GSR: variants seen among roughly 807,000 people sequenced by gnomAD.
The protein encoded by GSR is glutathione reductase, mitochondrial.
A neutral mutation model predicts 56.5 loss-of-function variants in GSR; 48 were observed. The ratio of observed to expected loss-of-function variants is 0.85; its 90% confidence interval spans 0.67 to 1.08. The LOEUF (loss-of-function observed/expected upper bound fraction) is 1.08, where lower values mean the gene tolerates loss of function less well. Ranked by LOEUF, GSR falls within the 50% of genes least tolerant of loss-of-function variation. GSR has a pLI of 0.00. For synonymous variants in GSR, 264 were observed against 270.8 expected (o/e 0.97, Z 0.25); for missense variants, 694 against 703.3 (o/e 0.99, Z 0.15).
At chr8:30,682,565 T>G (rs1802996623) in intron 10 of GSR, among the ~76,000 whole-genome samples, 1 of 152,192 alleles carries the variant, frequency 6.6e-6, no homozygotes, top group Non-Finnish European at 1.5e-5. Flanking sequence ...AATCTGAAAC[T>G]GAAAACACTT....
intron 9 of GSR, among the ~76,000 whole-genome samples, chr8:30,685,597 G>A (rs919475474): frequency 6.6e-6 from 1 of 152,082 alleles, no homozygotes; most frequent in Non-Finnish European, 1.5e-5. Context: ...GACATGTTAT[G>A]CTTATCATGT....
intron 7 of GSR, among the ~76,000 whole-genome samples, chr8:30,695,155 AG>A (rs1411223239): frequency 6.6e-6 from 1 of 152,150 alleles, no homozygotes; most frequent in Non-Finnish European, 1.5e-5. Context: ...TGTGCGGACC[AG>A]GATGACTTTG....
chr8:30,719,287 T>TAA (rs1563545354), intron 1 of GSR, among the ~76,000 whole-genome samples: 28 of 150,772 alleles, frequency 1.9e-4, no homozygotes, highest in East Asian at 7.9e-4. Context: ...TTTTTTTTTT[T>TAA]ATGTATTTTT....
chr8:30,718,171 T>C (rs1367296363), intron 1 of GSR, among the ~76,000 whole-genome samples: 1 of 152,082 alleles, frequency 6.6e-6, no homozygotes, highest in East Asian at 1.9e-4. Flanking sequence ...TGAATCATCC[T>C]GAAACCATAC....
intron 9 of GSR, among the ~76,000 whole-genome samples, chr8:30,688,877 C>G (rs2551716): frequency 2.0e-5 from 3 of 151,832 alleles, no homozygotes; most frequent in Non-Finnish European, 4.4e-5. Context: ...GAGCTATGAT[C>G]ACACCACTGA....
chr8:30,710,736 A>G (rs1214831252), intron 2 of GSR, among the ~76,000 whole-genome samples: 24 of 135,420 alleles, frequency 1.8e-4, no homozygotes, highest in African/African-American at 6.6e-4. Flanking sequence ...AAAAAAAAAA[A>G]AAAAAAAAAG....
At chr8:30,706,858 CAG>C (rs796623387) in intron 4 of GSR, 38 of 152,260 alleles carry the variant, frequency 2.5e-4, no homozygotes, top group African/African-American at 8.7e-4. Flanking sequence ...TAGGTTTGGC[CAG>C]GTGCGGTAGC....
chr8:30,703,312 C>A (rs1803811831), intron 4 of GSR, 72 bp from the exon 5 acceptor site: 10 of 1,313,668 alleles, frequency 7.6e-6, no homozygotes, highest in Non-Finnish European at 1.1e-5. Context: ...CTTATCAGAA[C>A]TTTCATTTCT....
chr8:30,716,131 CAGT>C (rs1804325831), intron 1 of GSR, among the ~76,000 whole-genome samples: 1 of 152,194 alleles, frequency 6.6e-6, no homozygotes, highest in South Asian at 2.1e-4. Flanking sequence ...TAAACAGATA[CAGT>C]CCCTGCTCTT....
chr8:30,700,888 G>T (rs1803715024), intron 5 of GSR, among the ~76,000 whole-genome samples: 3 of 152,104 alleles, frequency 2.0e-5, no homozygotes, highest in Admixed American at 2.0e-4. Context: ...TTGGATATAG[G>T]ATAGCAGGTC....
intron 1 of GSR, among the ~76,000 whole-genome samples, chr8:30,723,555 CT>C (rs1457201286): frequency 2.0e-5 from 3 of 151,968 alleles, no homozygotes; most frequent in Non-Finnish European, 1.5e-5. Flanking sequence ...CTTTGGGAGG[CT>C]GAGGCGGGTG....
At chr8:30,705,131 TA>T (rs201274639) in intron 4 of GSR, among the ~76,000 whole-genome samples, 9,007 of 143,546 alleles carry the variant, frequency 0.063, 282 homozygotes, top group South Asian at 0.18. Context: ...TCAGCTCCAT[TA>T]AAAAAAAAAA....
chr8:30,723,962 T>C (rs1033315978), intron 1 of GSR, among the ~76,000 whole-genome samples: 4 of 152,212 alleles, frequency 2.6e-5, no homozygotes, highest in Admixed American at 6.5e-5. Flanking sequence ...TGACCACTGC[T>C]AGACACACAT....
chr8:30,685,776 G>A (rs980898081), intron 9 of GSR, among the ~76,000 whole-genome samples: 7 of 151,922 alleles, frequency 4.6e-5, no homozygotes, highest in African/African-American at 1.7e-4. Flanking sequence ...AGGAGTTTGA[G>A]ACCAGCCTGG....
chr8:30,716,543 C>T (rs1804339464), intron 1 of GSR, among the ~76,000 whole-genome samples: 1 of 152,216 alleles, frequency 6.6e-6, no homozygotes, highest in Non-Finnish European at 1.5e-5. Context: ...AGTGGCGGCT[C>T]ATGCCTATAA....
At position 30,714,298 on chromosome 8, in the gene GSR, G is replaced by A. The variant is rs541865948; in HGVS notation, c.307-2210C>T. Reference sequence around the variant, plus strand: ...GCAATCTCAGCTCACTGCAACCTCCGCTCCCCGGGATCAAACAATTCTCCC... The same window carrying A: ...GCAATCTCAGCTCACTGCAACCTCCACTCCCCGGGATCAAACAATTCTCCC... On this transcript the variant is annotated intron_variant, in intron 1 of 12. Transcript: ENST00000221130. Among the ~76,000 whole-genome samples, 82 of 126,182 alleles carry A rather than the reference G, an allele frequency of 6.5e-4. 1 individual carries two copies. Among genetic ancestry groups the A allele is most frequent in the African/African-American group, 2.3e-3 (76 of 32,584 alleles). 82.8% of individuals were successfully genotyped at this position (126,182 alleles called of 152,430 possible). A position where few individuals can be genotyped will look rare whatever the true frequency, so the allele number is the denominator to read the frequency against.
intron 8 of GSR, among the ~76,000 whole-genome samples, chr8:30,689,927 T>G (rs1803310754): frequency 7.0e-6 from 1 of 142,998 alleles, no homozygotes; most frequent in African/African-American, 2.5e-5. Context: ...TTTAATGTTT[T>G]TATTAAATAT....
intron 5 of GSR, among the ~76,000 whole-genome samples, chr8:30,701,761 C>G (rs1803749371): frequency 1.4e-5 from 2 of 144,132 alleles, no homozygotes; most frequent in Non-Finnish European, 3.0e-5. Context: ...CCACTGCACT[C>G]CAGCCTGGGT....
intron 8 of GSR, among the ~76,000 whole-genome samples, chr8:30,692,286 C>T (rs948996410): frequency 5.2e-5 from 7 of 134,254 alleles, no homozygotes; most frequent in African/African-American, 1.9e-4. Flanking sequence ...CTCACCACAA[C>T]CTCCACCTCC....
Sources: allele counts gnomAD v4.1 joint callset (sites outside exome capture counted in the v4.1 genomes callset), GRCh38; gene constraint gnomAD v4.1.1; transcripts MANE v1.5; gene names NCBI Gene and HGNC (gene_info 2026-07-23, HGNC 2026-07-21).